The following SNRPN variants were observed in gnomAD, a reference collection of about 807,000 sequenced individuals.
SNRPN encodes the protein small nuclear ribonucleoprotein polypeptide N.
SNRPN carries 7 observed loss-of-function variants against 25.2 expected under a neutral mutation model. The ratio of observed to expected loss-of-function variants is 0.28; its 90% CI spans 0.16 to 0.52. SNRPN has a LOEUF of 0.52. SNRPN is among the 20% of genes least tolerant of loss of function. The probability of loss-of-function intolerance (pLI) is 0.96; values close to 1 mark genes in which losing one functional copy is unlikely to be tolerated. For missense variants in SNRPN, 196 were observed against 322.5 expected (o/e 0.61, Z 3.00); for synonymous variants, 124 against 110.6 (o/e 1.12, Z -0.76).
chr15:24,968,605 A>G (rs1442580988), intron 3 of SNRPN, among the ~76,000 whole-genome samples: 3 of 152,170 alleles, frequency 2.0e-5, no homozygotes, highest in South Asian at 4.1e-4. Flanking sequence ...GCCAGTTACA[A>G]CATACTTTCA....
chr15:24,848,237 CG>C (rs2052404484), intron 2 of SNRPN: 1 of 20,270 alleles, frequency 4.9e-5, no homozygotes, highest in South Asian at 1.0e-3. Context: ...GCGGTGGGGG[CG>C]GGGGCGGCGG....
At chr15:24,834,005 A>C (rs1055455442) in intron 2 of SNRPN, among the ~76,000 whole-genome samples, 28 of 152,234 alleles carry the variant, frequency 1.8e-4, no homozygotes, top group African/African-American at 6.5e-4. Context: ...GGCTCACTGC[A>C]ACCTCCACCT....
chr15:24,875,517 A>G (rs1051438082), intron 1 of SNRPN, among the ~76,000 whole-genome samples: 1 of 152,216 alleles, frequency 6.6e-6, no homozygotes, highest in Non-Finnish European at 1.5e-5. Flanking sequence ...ATGTGAGGTC[A>G]AAGGTGAGAT....
At chr15:24,907,366 G>T (rs1223293995) in intron 2 of SNRPN, among the ~76,000 whole-genome samples, 1 of 152,092 alleles carries the variant, frequency 6.6e-6, no homozygotes, top group Non-Finnish European at 1.5e-5. Flanking sequence ...GGGAGGCCGA[G>T]GCAGGCGGAT....
intron 1 of SNRPN, among the ~76,000 whole-genome samples, chr15:24,883,043 T>A (rs1595681505): frequency 6.6e-6 from 1 of 152,098 alleles, no homozygotes; most frequent in Admixed American, 6.6e-5. Context: ...AAACAATGGT[T>A]GTGTGAATTC....
intron 3 of SNRPN, among the ~76,000 whole-genome samples, chr15:24,935,894 G>A (rs894932140): frequency 3.3e-5 from 5 of 152,068 alleles, no homozygotes; most frequent in African/African-American, 9.7e-5. Context: ...CAAGGTGGGT[G>A]GATCACGAGG....
At chr15:24,950,685 C>T (rs1276839689), upstream of SNRPN, among the ~76,000 whole-genome samples, 1 of 150,578 alleles carries the variant, frequency 6.6e-6, no homozygotes, top group African/African-American at 2.4e-5. Flanking sequence ...GTAGCTGGGA[C>T]CAGAGGTGTG....
At chr15:24,836,168 C>T (rs1595374322) in intron 2 of SNRPN, among the ~76,000 whole-genome samples, 2 of 151,968 alleles carry the variant, frequency 1.3e-5, no homozygotes, top group Non-Finnish European at 2.9e-5. Context: ...CTTGCACATC[C>T]CTGGTTCTCT....
At chr15:24,838,559 C>T (rs1396872151) in intron 2 of SNRPN, among the ~76,000 whole-genome samples, 5 of 152,072 alleles carry the variant, frequency 3.3e-5, no homozygotes, top group African/African-American at 1.2e-4. Flanking sequence ...TCGTTCCCAC[C>T]TGCCCCTCCC....
chr15:24,836,376 C>T (rs764329235), intron 2 of SNRPN, among the ~76,000 whole-genome samples: 6 of 151,992 alleles, frequency 3.9e-5, no homozygotes, highest in Non-Finnish European at 5.9e-5. Context: ...GCTGAGTCCT[C>T]ATAACAAAAT....
At chr15:24,845,624 G>C (rs1388897008) in intron 2 of SNRPN, among the ~76,000 whole-genome samples, 2 of 152,012 alleles carry the variant, frequency 1.3e-5, no homozygotes, top group African/African-American at 4.8e-5. Flanking sequence ...AAAAGAAAAC[G>C]TGAAATAAGT....
chr15:24,923,922 CATTT>C (rs1566917526), intron 3 of SNRPN, among the ~76,000 whole-genome samples: 7 of 14,808 alleles, frequency 4.7e-4, no homozygotes, highest in East Asian at 4.9e-3. Flanking sequence ...TGTATATAAA[CATTT>C]TTTTTTTTTT....
At chr15:24,858,176 A>C (rs1157813445) in intron 1 of SNRPN, among the ~76,000 whole-genome samples, 1 of 152,110 alleles carries the variant, frequency 6.6e-6, no homozygotes. Context: ...CGTAATTTTT[A>C]ATCTTGTAGC....
chr15:24,904,394 C>T (rs1222748528), intron 2 of SNRPN, among the ~76,000 whole-genome samples: 1 of 152,180 alleles, frequency 6.6e-6, no homozygotes, highest in East Asian at 1.9e-4. Context: ...GTGGCTAACG[C>T]CTGTAATCCT....
chr15:24,948,791 T>A (rs927816865), intron 3 of SNRPN, among the ~76,000 whole-genome samples: 1 of 152,018 alleles, frequency 6.6e-6, no homozygotes, highest in Non-Finnish European at 1.5e-5. Context: ...AAATTTACCC[T>A]TTTAAAATAT....
chr15:24,909,081 G>A (rs1056059401), intron 2 of SNRPN: 61 of 1,407,760 alleles, frequency 4.3e-5, no homozygotes, highest in African/African-American at 3.8e-4. Flanking sequence ...GGATTCTCTC[G>A]TATAGCAGCA....
chr15:24,966,605 A>G, intron 2 of SNRPN, among the ~76,000 whole-genome samples: 1 of 152,116 alleles, frequency 6.6e-6, no homozygotes, highest in Non-Finnish European at 1.5e-5. Flanking sequence ...TCTCATTACC[A>G]AGAACTCAGG....
Position 24,978,625 on chromosome 15 carries a change from G to A in SNRPN, c.*181G>A, listed in dbSNP as rs1173938758. ...TTTTTTTGCCTGTTGATTTTGATGA[G>A]ATCTTAAGTTACTGTGGATGAGGGT... On this transcript the variant is annotated 3_prime_UTR_variant, in exon 10 of 10. Transcript: ENST00000390687. 6 of 638,618 alleles carry A rather than the reference G, an allele frequency of 9.4e-6. No homozygotes were observed. The highest frequency in any genetic ancestry group is 9.1e-5 in the African/African-American group (5 of 54,690). The allele number at this position is 638,618 out of a possible 1,614,324, so 39.6% of individuals were successfully genotyped here. A position where few individuals can be genotyped will look rare whatever the true frequency, so the allele number is the denominator to read the frequency against.
rs961144366 is a variant in SNRPN at position 24,872,574 on chromosome 15, C to T, written c.-578-13942C>T. ...CAGCCTGACCAACATGGAGAAACCC[C>T]GTCTCTACTAACAATAAAAAAATTA... On this transcript the variant is annotated intron_variant, in intron 1 of 11. Coordinates refer to the SNRPN transcript ENST00000400097. Among the ~76,000 whole-genome samples, 5 of 111,004 alleles carry T rather than the reference C, an allele frequency of 4.5e-5. 1 individual carries two copies. In the South Asian group the frequency reaches 1.0e-3, roughly 22 times the overall value. The allele number at this position is 111,004 out of a possible 152,430, so 72.8% of individuals were successfully genotyped here.
Sources: gnomAD v4.1 joint callset for allele counts (sites outside exome capture counted in the v4.1 genomes callset) on GRCh38, gnomAD v4.1.1 for gene constraint, MANE v1.5 for transcripts, NCBI Gene and HGNC (gene_info 2026-07-23, HGNC 2026-07-21) for gene names.